HAUS1: variants seen among roughly 807,000 people sequenced by gnomAD.
HAUS1 encodes the protein HAUS augmin like complex subunit 1, also known as HAUS augmin-like complex subunit 1.
Under a neutral mutation model 38.6 loss-of-function variants are expected in HAUS1, and 25 were observed. The observed-to-expected ratio is 0.65, with a 90% confidence interval of 0.47 to 0.91. HAUS1 has a LOEUF of 0.91. Ranked by LOEUF, HAUS1 falls within the 40% of genes least tolerant of loss-of-function variation. HAUS1 has a pLI of 0.00. For synonymous variants in HAUS1, 109 were observed against 112.9 expected (o/e 0.97, Z 0.22); for missense variants, 325 against 328.4 (o/e 0.99, Z 0.08).
At chr18:46,125,364 C>T (rs1019686734) in intron 7 of HAUS1, among the ~76,000 whole-genome samples, 3 of 151,102 alleles carry the variant, frequency 2.0e-5, no homozygotes, top group Non-Finnish European at 4.4e-5. Flanking sequence ...GCCTGACCAA[C>T]ATGGTGAAAC....
At chr18:46,120,181 AT>A (rs1263121231) in intron 4 of HAUS1, 121 bp downstream of exon 4, 21 of 657,168 alleles carry the variant, frequency 3.2e-5, no homozygotes, top group East Asian at 2.9e-5. Flanking sequence ...TCCATAAAAC[AT>A]TTTTTTAAGT....
chr18:46,114,204 C>G, intron 2 of HAUS1, among the ~76,000 whole-genome samples: 2 of 152,214 alleles, frequency 1.3e-5, no homozygotes, highest in East Asian at 3.8e-4. Flanking sequence ...TATCTTGAAT[C>G]TGCTCCCAAT....
chr18:46,122,334 T>G, intron 4 of HAUS1, 133 bp from the exon 5 acceptor site: 30 of 740,250 alleles, frequency 4.1e-5, no homozygotes, highest in Non-Finnish European at 5.1e-5. Flanking sequence ...GAGTGCAACA[T>G]GGAGGGGAAG....
chr18:46,118,857 A>G (rs1469730544), intron 3 of HAUS1, among the ~76,000 whole-genome samples: 1 of 152,014 alleles, frequency 6.6e-6, no homozygotes, highest in Non-Finnish European at 1.5e-5. Context: ...AGCTAGGACT[A>G]CTAATATTTT....
At chr18:46,118,098 G>A in intron 2 of HAUS1, 83 bp from the exon 3 acceptor site, 1 of 1,333,030 alleles carries the variant, frequency 7.5e-7, no homozygotes, top group Non-Finnish European at 1.1e-6. Flanking sequence ...TGGATTATAT[G>A]CTATGTGAAT....
At chr18:46,125,471 C>T (rs1430443772) in intron 7 of HAUS1, among the ~76,000 whole-genome samples, 3 of 150,562 alleles carry the variant, frequency 2.0e-5, no homozygotes, top group East Asian at 3.9e-4. Context: ...CGCTTGAACC[C>T]AGGAGGCAGA....
At chr18:46,109,207 G>A (rs755752281) in intron 2 of HAUS1, among the ~76,000 whole-genome samples, 4 of 152,134 alleles carry the variant, frequency 2.6e-5, no homozygotes, top group Non-Finnish European at 5.9e-5. Flanking sequence ...TGCCAGAGCA[G>A]GAGAGAGAGA....
At chr18:46,122,426 G>A in intron 4 of HAUS1, 41 bp from the exon 5 acceptor site, 1 of 1,544,552 alleles carries the variant, frequency 6.5e-7, no homozygotes, top group Non-Finnish European at 8.9e-7. Context: ...CTTTTACTGA[G>A]AAGAAGAAGA....
rs140221082 is a variant in HAUS1 at position 46,128,093 on chromosome 18, C to G, written c.805C>G (p.Leu269Val). ...KRELDSIEAE[L>V]TRRVDMMEL ...CCTGTAGGATAGCATTGAAGCTGAA[C>G]TTACAAGAAGAGTAGACATGATGGA... Residue 269 changes from leucine to valine, a missense_variant, in exon 9 of 9, where the codon CTT (leucine) becomes GTT (valine). Coordinates refer to ENST00000282058, the MANE Select transcript of HAUS1 (RefSeq NM_138443.4). 2.4e-4 allele frequency: 374 copies of G among 1,586,664 alleles called. 1 individual carries two copies. The highest frequency in any genetic ancestry group is 9.3e-5 in the Non-Finnish European group (109 of 1,169,232).
intron 4 of HAUS1, among the ~76,000 whole-genome samples, chr18:46,120,566 A>G (rs1318695181): frequency 1.3e-5 from 2 of 151,392 alleles, no homozygotes; most frequent in Non-Finnish European, 2.9e-5. Flanking sequence ...ATACAATTTT[A>G]CTTCATACAA....
intron 6 of HAUS1, among the ~76,000 whole-genome samples, chr18:46,124,435 A>C (rs1343108120): frequency 2.2e-4 from 32 of 148,218 alleles, no homozygotes; most frequent in Admixed American, 1.9e-3. Context: ...AAAAAAAAAA[A>C]ATTAGCCAGG....
At chr18:46,122,225 C>T (rs541021463) in intron 4 of HAUS1, among the ~76,000 whole-genome samples, 3 of 151,702 alleles carry the variant, frequency 2.0e-5, no homozygotes, top group East Asian at 1.9e-4. Flanking sequence ...GTGGGAGGAT[C>T]ACTTCAGCCA....
intron 8 of HAUS1, chr18:46,126,707 C>A (rs1162230590): frequency 6.6e-6 from 1 of 151,978 alleles, no homozygotes; most frequent in Non-Finnish European, 1.5e-5. Flanking sequence ...TCACTGCAAC[C>A]TCCGCCTCCC....
chr18:46,128,105 G>A lies in HAUS1; in HGVS notation c.817G>A (p.Val273Ile). The stretch of plus-strand genomic sequence containing the variant: ...CATTGAAGCTGAACTTACAAGAAGA[G>A]TAGACATGATGGAACTGTGACAAAA... ...DSIEAELTRR[V>I]DMMEL Residue 273 changes from valine (V) to isoleucine (I), a missense_variant, in exon 9 of 9, where the codon GTA (valine) becomes ATA (isoleucine). Coordinates refer to ENST00000282058, the MANE Select transcript of HAUS1 (RefSeq NM_138443.4). The A allele has an allele frequency of 6.3e-7, 1 of 1,591,218 alleles. No individual in the cohort carries two copies. Among genetic ancestry groups the A allele is most frequent in the Non-Finnish European group, 8.5e-7 (1 of 1,171,322 alleles).
chr18:46,115,885 G>A (rs1911784514), intron 2 of HAUS1, among the ~76,000 whole-genome samples: 1 of 152,160 alleles, frequency 6.6e-6, no homozygotes, highest in Admixed American at 6.6e-5. Context: ...GGGAGGCTGA[G>A]GCAGGTGGAT....
At chr18:46,105,949 G>C (rs1911463317) in intron 2 of HAUS1, among the ~76,000 whole-genome samples, 1 of 152,182 alleles carries the variant, frequency 6.6e-6, no homozygotes. Flanking sequence ...TAGCAAAACA[G>C]TAAGCCTTAA....
At chr18:46,126,905 G>A (rs899762922) in intron 8 of HAUS1, 1 of 151,648 alleles carries the variant, frequency 6.6e-6, no homozygotes. Context: ...CATGATCTCA[G>A]ATCACTGCAA....
intron 8 of HAUS1, among the ~76,000 whole-genome samples, chr18:46,127,620 T>C (rs1912144429): frequency 6.6e-6 from 1 of 151,408 alleles, no homozygotes; most frequent in Admixed American, 6.6e-5. Context: ...GGTAGAGAAT[T>C]GCTTGAACCC....
At chr18:46,114,064 G>C (rs536159414) in intron 2 of HAUS1, among the ~76,000 whole-genome samples, 1 of 152,234 alleles carries the variant, frequency 6.6e-6, no homozygotes, top group African/African-American at 2.4e-5. Flanking sequence ...ACTGCTCTAC[G>C]AGCAATTCCA....
Sources: gnomAD v4.1 joint callset for allele counts (sites outside exome capture counted in the v4.1 genomes callset) on GRCh38, gnomAD v4.1.1 for gene constraint, MANE v1.5 for transcripts, NCBI Gene and HGNC (gene_info 2026-07-23, HGNC 2026-07-21) for gene names.